DACH2: variants seen among roughly 807,000 people sequenced by gnomAD.
DACH2 encodes dachshund homolog 2.
Under a neutral mutation model 35.8 loss-of-function variants are expected in DACH2, and 17 were observed. The ratio of observed to expected loss-of-function variants is 0.48; its 90% CI spans 0.33 to 0.71. The LOEUF (loss-of-function observed/expected upper bound fraction) is 0.71. DACH2 is among the 30% of genes least tolerant of loss of function. The pLI, the probability that DACH2 is intolerant of heterozygous loss-of-function variation, is 0.02. For synonymous variants in DACH2, 195 were observed against 177.3 expected, an observed-to-expected ratio of 1.10 and a Z score of -0.79; for missense variants, 469 against 472.7, an observed-to-expected ratio of 0.99 and a Z score of 0.07.
intron 2 of DACH2, among the ~76,000 whole-genome samples, chrX:86,445,491 T>A (rs1223476074): frequency 5.5e-5 from 3 of 54,580 alleles, no homozygotes; most frequent in African/African-American, 2.0e-4. Flanking sequence ...ACATGTACCC[T>A]AAAACTTAAA....
At chrX:86,582,541 T>G (rs1374619538) in intron 3 of DACH2, among the ~76,000 whole-genome samples, 1 of 110,302 alleles carries the variant, frequency 9.1e-6, no homozygotes, top group East Asian at 2.9e-4. Flanking sequence ...CTTACAGAAA[T>G]GCATGCACAC....
intron 3 of DACH2, among the ~76,000 whole-genome samples, chrX:86,548,907 A>G (rs1326239093): frequency 8.9e-6 from 1 of 112,118 alleles, no homozygotes; most frequent in African/African-American, 3.2e-5. Context: ...CTTGAGACCA[A>G]TGTTTTAAAG....
At chrX:86,612,081 A>AG (rs1205735062) in intron 3 of DACH2, among the ~76,000 whole-genome samples, 3 of 107,585 alleles carry the variant, frequency 2.8e-5, no homozygotes, top group Non-Finnish European at 5.7e-5. Flanking sequence ...GAATACTGCC[A>AG]GGACAGAGTC....
Position 86,651,217 on chromosome X carries a change from G to A in DACH2, c.772+50G>A, listed in dbSNP as rs1222168071. 6.9e-6 allele frequency: 8 copies of A among 1,160,385 alleles called. No individual in the cohort carries two copies. In the Middle Eastern group the frequency reaches 1.4e-3, roughly 209 times the overall value. On this transcript the variant is annotated intron_variant, in intron 4 of 11. Transcript: ENST00000373125. ...CCAATGACTCTTACTGTTCTATTGT[G>A]GGGCAGGAGAGAGGTGGGATGAGGA...
chrX:86,749,009 G>A (rs142152825), intron 7 of DACH2, among the ~76,000 whole-genome samples: 129 of 111,713 alleles, frequency 1.2e-3, no homozygotes, highest in African/African-American at 4.1e-3. Context: ...ATAAACCCAC[G>A]TTTGTTAGAT....
At chrX:86,305,123 C>A in intron 1 of DACH2, 1 of 140,293 alleles carries the variant, frequency 7.1e-6, no homozygotes, top group Non-Finnish European at 1.6e-5. Context: ...AGAGTGCTTT[C>A]TGACAGAGTC....
intron 4 of DACH2, among the ~76,000 whole-genome samples, chrX:86,660,134 C>T (rs752879743): frequency 9.0e-6 from 1 of 111,411 alleles, no homozygotes; most frequent in African/African-American, 3.3e-5. Flanking sequence ...GATCACTCTT[C>T]GTGCCCCTGC....
intron 7 of DACH2, among the ~76,000 whole-genome samples, chrX:86,783,922 T>A (rs1482670287): frequency 9.0e-6 from 1 of 110,913 alleles, no homozygotes; most frequent in Non-Finnish European, 1.9e-5. Context: ...TAAGACCTAC[T>A]ATTTGATAGC....
chrX:86,432,359 A>G (rs1030273975), intron 2 of DACH2, among the ~76,000 whole-genome samples: 1 of 112,250 alleles, frequency 8.9e-6, no homozygotes, highest in African/African-American at 3.2e-5. Context: ...AGAATTTCAA[A>G]CAAATATCAC....
At chrX:86,618,517 T>C (rs2148375612) in intron 3 of DACH2, among the ~76,000 whole-genome samples, 1 of 111,945 alleles carries the variant, frequency 8.9e-6, no homozygotes, top group South Asian at 3.7e-4. Flanking sequence ...CGACATAATC[T>C]AAGCCTAGAG....
chrX:86,496,754 C>T (rs1156363988), intron 2 of DACH2, among the ~76,000 whole-genome samples: 3 of 110,068 alleles, frequency 2.7e-5, no homozygotes, highest in Non-Finnish European at 3.8e-5. Context: ...CAGGGCAGGC[C>T]TCTCAAGCAG....
intron 7 of DACH2, among the ~76,000 whole-genome samples, chrX:86,794,232 A>ACACCACGC (rs1166858081): frequency 9.0e-6 from 1 of 110,594 alleles, no homozygotes; most frequent in Non-Finnish European, 1.9e-5. Flanking sequence ...TTGCAAAAAG[A>ACACCACGC]CACCACGCCA....
At chrX:86,235,932 G>A (rs775019078) in intron 1 of DACH2, among the ~76,000 whole-genome samples, 31 of 111,557 alleles carry the variant, frequency 2.8e-4, no homozygotes, top group African/African-American at 1.0e-3. Context: ...TCAGGAGCTC[G>A]AGACCAGCCT....
At chrX:86,173,594 T>C (rs148905324) in intron 1 of DACH2, among the ~76,000 whole-genome samples, 3,671 of 111,522 alleles carry the variant, frequency 0.033, 145 homozygotes, top group African/African-American at 0.11. Context: ...TTGAGGAATG[T>C]TAAGAAGCCT....
chrX:86,557,368 G>T (rs906285858), intron 3 of DACH2, among the ~76,000 whole-genome samples: 2 of 110,386 alleles, frequency 1.8e-5, no homozygotes, highest in Non-Finnish European at 3.8e-5. Flanking sequence ...TTTGAAGTCA[G>T]GTAGTGTGAT....
chrX:86,802,918 C>T (rs763601467), intron 7 of DACH2, among the ~76,000 whole-genome samples: 1 of 112,285 alleles, frequency 8.9e-6, no homozygotes, highest in East Asian at 2.8e-4. Flanking sequence ...CATTCCCAAT[C>T]CTGCCACTTG....
intron 1 of DACH2, among the ~76,000 whole-genome samples, chrX:86,337,612 C>T (rs2035336515): frequency 8.9e-6 from 1 of 111,983 alleles, no homozygotes; most frequent in African/African-American, 3.2e-5. Flanking sequence ...AAAAACATAC[C>T]CAATTGTAAA....
At chrX:86,500,090 C>CT (rs1050436031) in intron 2 of DACH2, among the ~76,000 whole-genome samples, 7 of 111,000 alleles carry the variant, frequency 6.3e-5, no homozygotes, top group South Asian at 3.8e-4. Flanking sequence ...AATTGGGGAT[C>CT]TTTTTTTTAT....
chrX:86,389,173 T>C (rs1049260385), intron 2 of DACH2, among the ~76,000 whole-genome samples: 1 of 112,022 alleles, frequency 8.9e-6, no homozygotes, highest in Non-Finnish European at 1.9e-5. Context: ...CCACCAAATA[T>C]CTTAGTTCTT....
Sources: allele counts gnomAD v4.1 joint callset (sites outside exome capture counted in the v4.1 genomes callset), GRCh38; gene constraint gnomAD v4.1.1; transcripts MANE v1.5; gene names NCBI Gene and HGNC (gene_info 2026-07-23, HGNC 2026-07-21).